Variants in SLC2A9 observed in about 807,000 individuals in gnomAD.
The protein encoded by SLC2A9 is solute carrier family 2 member 9, also known as solute carrier family 2, facilitated glucose transporter member 9.
SLC2A9 carries 39 observed loss-of-function variants against 50.6 expected under a neutral mutation model. The ratio of observed to expected loss-of-function variants is 0.77; its 90% confidence interval spans 0.60 to 1.01. The LOEUF is 1.01. Ranked by LOEUF, SLC2A9 falls within the 50% of genes least tolerant of loss-of-function variation. The probability of loss-of-function intolerance (pLI) is 0.00; values close to 1 mark genes in which losing one functional copy is unlikely to be tolerated. For synonymous variants in SLC2A9, 324 were observed against 276.9 expected (o/e 1.17, Z -1.69); for missense variants, 686 against 677.6 (o/e 1.01, Z -0.14).
intron 3 of SLC2A9, among the ~76,000 whole-genome samples, chr4:9,986,033 T>C (rs1470125675): frequency 6.6e-6 from 1 of 152,222 alleles, no homozygotes; most frequent in Non-Finnish European, 1.5e-5. Context: ...TGTGGTAGTA[T>C]TTTATTGCTT....
chr4:9,824,501 T>A (rs1008114975), downstream of SLC2A9, among the ~76,000 whole-genome samples: 4 of 152,196 alleles, frequency 2.6e-5, no homozygotes, highest in Non-Finnish European at 4.4e-5. Flanking sequence ...TGGGAAGGTT[T>A]TCCTGATTCT....
intron 4 of SLC2A9, among the ~76,000 whole-genome samples, 191 bp downstream of exon 4, chr4:9,985,478 G>C (rs1756550542): frequency 6.6e-6 from 1 of 152,166 alleles, no homozygotes; most frequent in South Asian, 2.1e-4. Context: ...TTAGGGGCTA[G>C]AGCATCATGA....
intron 1 of SLC2A9, among the ~76,000 whole-genome samples, chr4:10,031,410 A>G (rs1299037968): frequency 2.0e-5 from 3 of 152,266 alleles, no homozygotes; most frequent in African/African-American, 7.2e-5. Context: ...TGCATTATTT[A>G]CGGATCCAAT....
chr4:9,881,424 G>C (rs1183725580), intron 10 of SLC2A9, among the ~76,000 whole-genome samples: 2 of 152,202 alleles, frequency 1.3e-5, no homozygotes, highest in Admixed American at 1.3e-4. Context: ...TCTGGCAGTG[G>C]CTGCTCTCAC....
chr4:10,028,560 CAAT>C (rs66943961), intron 1 of SLC2A9, among the ~76,000 whole-genome samples: 16,270 of 152,138 alleles, frequency 0.11, 1,511 homozygotes, highest in East Asian at 0.46. Context: ...GCATAGAGAC[CAAT>C]AATAATGCAT....
chr4:9,936,019 C>T (rs1009052931), intron 6 of SLC2A9, among the ~76,000 whole-genome samples: 3 of 152,170 alleles, frequency 2.0e-5, no homozygotes, highest in Non-Finnish European at 2.9e-5. Context: ...CAGCTCTTCA[C>T]CCTAGGGCCC....
chr4:9,785,379 CCT>C (rs745972958), intron 3 of SLC2A9, among the ~76,000 whole-genome samples: 5 of 152,240 alleles, frequency 3.3e-5, no homozygotes, highest in Non-Finnish European at 7.3e-5. Flanking sequence ...CATGATGCAT[CCT>C]CCAGTGGGAG....
intron 10 of SLC2A9, among the ~76,000 whole-genome samples, chr4:9,873,698 T>C (rs1043053936): frequency 6.6e-6 from 1 of 152,296 alleles, no homozygotes; most frequent in South Asian, 2.1e-4. Flanking sequence ...CAGCTGGATG[T>C]AGATAGGAGG....
chr4:9,956,556 T>G (rs17185835), intron 5 of SLC2A9, among the ~76,000 whole-genome samples: 73,230 of 151,774 alleles, frequency 0.48, 19,003 homozygotes, highest in African/African-American at 0.67. Context: ...CCTATGAGCC[T>G]CTTCTCTGGA....
At chr4:9,992,781 T>C (rs902140608) in intron 3 of SLC2A9, among the ~76,000 whole-genome samples, 6 of 152,228 alleles carry the variant, frequency 3.9e-5, no homozygotes, top group African/African-American at 1.4e-4. Context: ...TAATTCCCTT[T>C]TGGGCTTCAG....
intron 10 of SLC2A9, among the ~76,000 whole-genome samples, chr4:9,837,892 G>A (rs1213921893): frequency 1.3e-5 from 2 of 152,182 alleles, no homozygotes; most frequent in Non-Finnish European, 2.9e-5. Flanking sequence ...GTAAAGCATA[G>A]TGGACTGGAG....
intron 1 of SLC2A9, among the ~76,000 whole-genome samples, chr4:10,033,268 A>C (rs980035650): frequency 6.6e-6 from 1 of 152,086 alleles, no homozygotes; most frequent in Non-Finnish European, 1.5e-5. Context: ...TGTCACCCCC[A>C]CTGTCTATCA....
intron 7 of SLC2A9, among the ~76,000 whole-genome samples, chr4:9,910,956 C>T (rs1192777511): frequency 6.9e-6 from 1 of 145,058 alleles, no homozygotes; most frequent in East Asian, 2.0e-4. Flanking sequence ...AATGAGAATA[C>T]ATGGAAACAG....
chr4:10,033,577 T>C (rs1764003720), intron 1 of SLC2A9, among the ~76,000 whole-genome samples: 1 of 152,194 alleles, frequency 6.6e-6, no homozygotes, highest in Non-Finnish European at 1.5e-5. Flanking sequence ...GCTTAAAATA[T>C]GTATGTGGGA....
At chr4:9,786,198 T>C (rs1315739462) in intron 3 of SLC2A9, among the ~76,000 whole-genome samples, 1 of 152,222 alleles carries the variant, frequency 6.6e-6, no homozygotes, top group Non-Finnish European at 1.5e-5. Context: ...CATGTGTTAA[T>C]TCATTTGACT....
At chr4:9,931,326 G>C (rs1745864523) in intron 6 of SLC2A9, among the ~76,000 whole-genome samples, 1 of 152,156 alleles carries the variant, frequency 6.6e-6, no homozygotes, top group South Asian at 2.1e-4. Flanking sequence ...ATGAGAAATT[G>C]CATTTCCCAA....
In SLC2A9 at chr4:9,996,870, A is replaced by C. The variant is rs775113635; in HGVS notation, c.321T>G (p.Thr107=). The C allele has an allele frequency of 6.2e-7, 1 of 1,614,138 alleles. No homozygotes were observed. The highest frequency in any genetic ancestry group is 1.1e-5 in the South Asian group (1 of 91,086). The change falls in exon 3 of 12, where the codon ACT becomes ACG. Residue 107 remains threonine, a synonymous_variant. Transcript: ENST00000264784. The part of the protein sequence containing the change: ...HGRPIDPDTL[T]LLWSVTVSIF... ...TGGACACAGTCACAGACCAGAGCAA[A>C]GTCAGAGTGTCTGGGTCTATTGGAC...
chr4:9,861,426 C>T (rs949919925), intron 10 of SLC2A9, among the ~76,000 whole-genome samples: 1 of 152,102 alleles, frequency 6.6e-6, no homozygotes, highest in Non-Finnish European at 1.5e-5. Context: ...CCAATCACCT[C>T]CCACCATGCC....
rs572178757 is a variant in SLC2A9 at position 10,028,276 on chromosome 4, C to G, written c.-40-2270G>C. Among the ~76,000 whole-genome samples the G allele has an allele frequency of 2.6e-4, 39 of 152,328 alleles. 1 individual carries two copies. The highest frequency in any genetic ancestry group is 2.4e-3 in the Admixed American group (36 of 15,304). ...AAATGACTGGGAGTAATGTGACTCC[C>G]TTTTCATGAGAAAAGCCCATAAATG... is the stretch of plus-strand genomic sequence containing the variant. On this transcript the variant is annotated intron_variant, in intron 1 of 12. Coordinates refer to the SLC2A9 transcript ENST00000309065.
Sources: allele counts gnomAD v4.1 joint callset (sites outside exome capture counted in the v4.1 genomes callset), GRCh38; gene constraint gnomAD v4.1.1; transcripts MANE v1.5; gene names NCBI Gene and HGNC (gene_info 2026-07-23, HGNC 2026-07-21).